The following NXPE3 variants were observed in gnomAD, a reference collection of about 807,000 sequenced individuals.
NXPE3 encodes the protein neurexophilin and PC-esterase domain family member 3.
NXPE3 carries 26 observed loss-of-function variants against 46.1 expected under a neutral mutation model. The ratio of observed to expected loss-of-function variants is 0.56; its 90% CI spans 0.41 to 0.78. The LOEUF is 0.78. Ranked by LOEUF, NXPE3 falls within the 30% of genes least tolerant of loss-of-function variation. NXPE3 has a pLI of 0.00. For missense variants in NXPE3, 620 were observed against 686.0 expected (o/e 0.90, Z 1.07); for synonymous variants, 272 against 257.9 (o/e 1.05, Z -0.52).
At chr3:101,793,559 T>A (rs963032920) in intron 4 of NXPE3, among the ~76,000 whole-genome samples, 1 of 150,004 alleles carries the variant, frequency 6.7e-6, no homozygotes, top group Non-Finnish European at 1.5e-5. Context: ...TTTTTATTTG[T>A]CCCACCTCTT....
intron 1 of NXPE3, among the ~76,000 whole-genome samples, chr3:101,780,178 A>G (rs1481154009): frequency 6.6e-6 from 1 of 152,110 alleles, no homozygotes; most frequent in Non-Finnish European, 1.5e-5. Flanking sequence ...GAACATCAGG[A>G]TATATTTGAA....
intron 4 of NXPE3, among the ~76,000 whole-genome samples, chr3:101,796,931 T>C (rs993866817): frequency 1.3e-5 from 2 of 152,282 alleles, no homozygotes; most frequent in Middle Eastern, 3.4e-3. Context: ...GCTATAGCTA[T>C]TGAGGAGAGA....
chr3:101,786,975 C>T (rs1404508575), intron 4 of NXPE3, among the ~76,000 whole-genome samples: 1 of 152,088 alleles, frequency 6.6e-6, no homozygotes, highest in Non-Finnish European at 1.5e-5. Context: ...GTAATCCCAG[C>T]ACTTTGGGAG....
intron 4 of NXPE3, among the ~76,000 whole-genome samples, chr3:101,791,611 C>T (rs982161976): frequency 6.6e-6 from 1 of 151,962 alleles, no homozygotes. Context: ...ATCTCGAACT[C>T]GTGATCTGCC....
chr3:101,799,985 T>C (rs1462397691), intron 4 of NXPE3, among the ~76,000 whole-genome samples: 1 of 152,174 alleles, frequency 6.6e-6, no homozygotes, highest in East Asian at 1.9e-4. Context: ...GGCTTATCAA[T>C]TTTATCAATC....
At chr3:101,812,357 A>C (rs185320241) in intron 6 of NXPE3, among the ~76,000 whole-genome samples, 17 of 152,324 alleles carry the variant, frequency 1.1e-4, no homozygotes, top group Admixed American at 1.1e-3. Flanking sequence ...CATGTTCTGC[A>C]TATAAAACTA....
At chr3:101,810,438 C>G (rs763494260) in intron 6 of NXPE3, among the ~76,000 whole-genome samples, 13 of 152,200 alleles carry the variant, frequency 8.5e-5, no homozygotes, top group Non-Finnish European at 1.6e-4. Context: ...GATCTATGCT[C>G]TTACATAATC....
chr3:101,785,746 C>T (rs1940136145), intron 4 of NXPE3, 57 bp downstream of exon 4: 4 of 1,412,684 alleles, frequency 2.8e-6, no homozygotes, highest in Admixed American at 1.7e-5. Flanking sequence ...GGATCTGGGG[C>T]TAACTAGCCT....
rs1942290109 is a variant in NXPE3 at position 101,822,189 on chromosome 3, A to G, written c.*235A>G. 1 of 518,378 alleles carries G rather than the reference A, an allele frequency of 1.9e-6. No homozygotes were observed. Among genetic ancestry groups the G allele is most frequent in the South Asian group, 2.8e-5 (1 of 35,858 alleles). The allele number at this position is 518,378 out of a possible 1,614,324, so 32.1% of individuals were successfully genotyped here. ...CATGGTAGAACTCTTAACTGCATCT[A>G]CACACTATATTGCTCTTGTAACCAA... On this transcript the variant is annotated 3_prime_UTR_variant, in exon 8 of 8. Transcript: ENST00000273347.
chr3:101,821,284 A>T, intron 7 of NXPE3, 120 bp from the exon 8 acceptor site: 1 of 734,166 alleles, frequency 1.4e-6, no homozygotes, highest in Middle Eastern at 3.9e-4. Flanking sequence ...TTACATTTAT[A>T]TTGTACCTTT....
In NXPE3 at chr3:101,798,250, T is replaced by C. The variant is rs552901028; in HGVS notation, c.94-2985T>C. 1.9e-3 allele frequency among the ~76,000 whole-genome samples: 289 copies of C among 152,312 alleles called. 1 individual carries two copies. Among genetic ancestry groups the C allele is most frequent in the Admixed American group, 2.2e-3 (34 of 15,300 alleles). ...TGCCTCAGTTTCCTTGTCTCTAAAA[T>C]GGACATAATAACAGGACTTACCACA... On this transcript the variant is annotated intron_variant, in intron 4 of 7. Transcript: ENST00000273347.
chr3:101,814,241 T>C (rs1279253083), intron 6 of NXPE3, among the ~76,000 whole-genome samples: 1 of 152,258 alleles, frequency 6.6e-6, no homozygotes, highest in African/African-American at 2.4e-5. Context: ...TCTCTAACTA[T>C]GCAGCCTCGA....
At chr3:101,785,348 C>T (rs1408100496) in intron 3 of NXPE3, 54 bp from the exon 4 acceptor site, 2 of 425,272 alleles carry the variant, frequency 4.7e-6, no homozygotes, top group Non-Finnish European at 8.8e-6. Flanking sequence ...TTTCCTCTCA[C>T]CCCACCCTAG....
intron 6 of NXPE3, among the ~76,000 whole-genome samples, chr3:101,813,451 T>C (rs1337699232): frequency 6.6e-6 from 1 of 152,234 alleles, no homozygotes; most frequent in Non-Finnish European, 1.5e-5. Flanking sequence ...CTCTTTCGTT[T>C]TGTTCCATCT....
chr3:101,808,641 C>G (rs192528672), intron 6 of NXPE3, among the ~76,000 whole-genome samples: 1 of 151,726 alleles, frequency 6.6e-6, no homozygotes, highest in Admixed American at 6.6e-5. Context: ...ACATCCAATT[C>G]AAGACTTTGA....
At chr3:101,791,202 T>G (rs1940499669) in intron 4 of NXPE3, among the ~76,000 whole-genome samples, 1 of 152,212 alleles carries the variant, frequency 6.6e-6, no homozygotes. Flanking sequence ...CGTATTTGGT[T>G]TTCTGTTCCT....
intron 5 of NXPE3, among the ~76,000 whole-genome samples, chr3:101,805,296 T>C (rs985492328): frequency 6.6e-6 from 1 of 152,224 alleles, no homozygotes; most frequent in Non-Finnish European, 1.5e-5. Context: ...CTTCTGTAGC[T>C]ATCTTTTTAA....
In NXPE3 at chr3:101,812,093, G is replaced by GT. The variant is rs141178327; in HGVS notation, c.923-4699dup. 3.0e-3 allele frequency among the ~76,000 whole-genome samples: 453 copies of GT among 152,202 alleles called. 3 individuals carry two copies. The highest frequency in any genetic ancestry group is 9.1e-3 in the African/African-American group (378 of 41,516). On this transcript the variant is annotated intron_variant, in intron 6 of 7. Transcript: ENST00000273347. ...TACAAATGATGAAGTGAATGATAGT[G>GT]TTTCATGTTATGCAGTAAAAACGAA...
At chr3:101,779,883 T>G (rs1181662725) in intron 1 of NXPE3, 1 of 152,362 alleles carries the variant, frequency 6.6e-6, no homozygotes, top group Non-Finnish European at 1.5e-5. Context: ...AGCTGCCGTT[T>G]GGGGACATCA....
Sources: allele counts gnomAD v4.1 joint callset (sites outside exome capture counted in the v4.1 genomes callset), GRCh38; gene constraint gnomAD v4.1.1; transcripts MANE v1.5; gene names NCBI Gene and HGNC (gene_info 2026-07-23, HGNC 2026-07-21).